CDH18: variants seen among roughly 807,000 people sequenced by gnomAD.
The protein encoded by CDH18 is cadherin 18.
In CDH18, 31 loss-of-function variants were observed where a neutral mutation model predicts 67.9. The ratio of observed to expected loss-of-function variants is 0.46; its 90% confidence interval spans 0.34 to 0.62. CDH18 has a LOEUF of 0.62. Ranked by LOEUF, CDH18 falls within the 20% of genes least tolerant of loss-of-function variation. The pLI is 0.01. For missense variants in CDH18, 890 were observed against 975.5 expected, an observed-to-expected ratio of 0.91 and a Z score of 1.17; for synonymous variants, 362 against 347.2, an observed-to-expected ratio of 1.04 and a Z score of -0.48.
chr5:19,654,928 G>A (rs1037347017), intron 5 of CDH18, among the ~76,000 whole-genome samples: 4 of 152,106 alleles, frequency 2.6e-5, no homozygotes, highest in African/African-American at 9.7e-5. Context: ...CTGCCATGCT[G>A]CTCTTCTGCT....
intron 1 of CDH18, among the ~76,000 whole-genome samples, chr5:20,484,483 G>A (rs921883590): frequency 5.3e-5 from 8 of 152,046 alleles, no homozygotes; most frequent in African/African-American, 1.9e-4. Context: ...GCCCTCCCAT[G>A]TTTATTGCAG....
intron 3 of CDH18, among the ~76,000 whole-genome samples, chr5:19,756,535 C>T (rs1375963739): frequency 1.3e-5 from 2 of 152,294 alleles, no homozygotes; most frequent in Admixed American, 6.5e-5. Flanking sequence ...TACTAAGAGA[C>T]GCCCAAATGG....
intron 1 of CDH18, among the ~76,000 whole-genome samples, chr5:20,443,555 G>A (rs1253610319): frequency 6.6e-6 from 1 of 151,796 alleles, no homozygotes; most frequent in Non-Finnish European, 1.5e-5. Context: ...TACCTATCCC[G>A]TATTTTCCTG....
intron 1 of CDH18, among the ~76,000 whole-genome samples, chr5:20,324,814 G>T (rs1023887755): frequency 2.0e-5 from 3 of 152,194 alleles, no homozygotes; most frequent in Non-Finnish European, 4.4e-5. Flanking sequence ...TATAACAGAA[G>T]GCAACTTAGT....
intron 2 of CDH18, among the ~76,000 whole-genome samples, chr5:19,979,338 G>A (rs1439354865): frequency 6.6e-6 from 1 of 151,772 alleles, no homozygotes; most frequent in Non-Finnish European, 1.5e-5. Flanking sequence ...TAGTAATCTT[G>A]TATATTTGCT....
intron 1 of CDH18, among the ~76,000 whole-genome samples, chr5:20,565,432 G>C (rs182675114): frequency 1.3e-5 from 2 of 152,014 alleles, no homozygotes; most frequent in African/African-American, 4.8e-5. Flanking sequence ...TAGCTGTGGC[G>C]GTTAATTAAG....
At chr5:20,432,626 T>C (rs984646970) in intron 1 of CDH18, among the ~76,000 whole-genome samples, 2 of 152,092 alleles carry the variant, frequency 1.3e-5, no homozygotes, top group East Asian at 1.9e-4. Flanking sequence ...GGCTCACTGA[T>C]GGCTGTCTTC....
intron 2 of CDH18, among the ~76,000 whole-genome samples, chr5:20,069,039 TG>T (rs1230537651): frequency 6.6e-6 from 1 of 152,114 alleles, no homozygotes; most frequent in Non-Finnish European, 1.5e-5. Flanking sequence ...AGCCAGTGAA[TG>T]GGGGAAAAAA....
chr5:20,004,918 C>G (rs1736766835), intron 2 of CDH18, among the ~76,000 whole-genome samples: 1 of 151,920 alleles, frequency 6.6e-6, no homozygotes, highest in Admixed American at 6.6e-5. Flanking sequence ...AGTTGAGGAA[C>G]AGTGGGTGTG....
At chr5:20,468,077 C>CA (rs1446854999) in intron 1 of CDH18, among the ~76,000 whole-genome samples, 3 of 151,790 alleles carry the variant, frequency 2.0e-5, no homozygotes, top group Admixed American at 6.6e-5. Flanking sequence ...TACAGTGGTG[C>CA]AATCTCTGTT....
intron 2 of CDH18, among the ~76,000 whole-genome samples, chr5:19,865,610 C>T (rs1785397033): frequency 6.6e-6 from 1 of 152,034 alleles, no homozygotes; most frequent in African/African-American, 2.4e-5. Context: ...GCAACTCAGT[C>T]CTAGCACCCA....
At chr5:20,122,578 T>C (rs1748449484) in intron 2 of CDH18, among the ~76,000 whole-genome samples, 1 of 152,024 alleles carries the variant, frequency 6.6e-6, no homozygotes, top group African/African-American at 2.4e-5. Context: ...AAATTAATAT[T>C]TGCTTAGTAA....
At chr5:19,561,270 C>T (rs1406853859) in intron 8 of CDH18, among the ~76,000 whole-genome samples, 4 of 151,880 alleles carry the variant, frequency 2.6e-5, no homozygotes, top group Admixed American at 2.0e-4. Flanking sequence ...AATGCCCATC[C>T]GTCAATGTAG....
At position 19,923,603 on chromosome 5, in the gene CDH18, T is replaced by C. The variant is rs572930191; in HGVS notation, c.-257+57457A>G. On this transcript the variant is annotated intron_variant, in intron 2 of 12. Transcript: ENST00000382275. Reference sequence around the variant, plus strand: ...CTGGCATCTAATTAAAATATAAGAATACATCCTTATGGAGTAGTCATGGAG... The same window carrying C: ...CTGGCATCTAATTAAAATATAAGAACACATCCTTATGGAGTAGTCATGGAG... 2.6e-5 allele frequency among the ~76,000 whole-genome samples: 4 copies of C among 152,258 alleles called. No individual in the cohort carries two copies. In the East Asian group the frequency reaches 7.8e-4, roughly 30 times the overall value.
At chr5:19,507,928 T>C (rs1441186492) in intron 10 of CDH18, among the ~76,000 whole-genome samples, 1 of 151,746 alleles carries the variant, frequency 6.6e-6, no homozygotes, top group East Asian at 1.9e-4. Flanking sequence ...AGAGAGAAAC[T>C]CCTAGTCTCT....
intron 5 of CDH18, among the ~76,000 whole-genome samples, chr5:19,626,501 C>A (rs1046755923): frequency 3.3e-5 from 5 of 151,950 alleles, no homozygotes; most frequent in Admixed American, 2.6e-4. Flanking sequence ...TTATTCATTC[C>A]TTCAATTGGG....
intron 2 of CDH18, among the ~76,000 whole-genome samples, chr5:19,861,180 A>C (rs964931783): frequency 2.0e-5 from 3 of 152,196 alleles, no homozygotes; most frequent in African/African-American, 7.2e-5. Flanking sequence ...TTGCATATTC[A>C]GTAGTAGTAA....
intron 2 of CDH18, among the ~76,000 whole-genome samples, chr5:19,995,334 A>C (rs1735920319): frequency 6.6e-6 from 1 of 152,044 alleles, no homozygotes; most frequent in South Asian, 2.1e-4. Context: ...ATGTATATAA[A>C]CTTGTTTTTT....
At chr5:19,591,034 C>A in intron 7 of CDH18, 23 bp downstream of exon 7, 3 of 1,487,458 alleles carry the variant, frequency 2.0e-6, no homozygotes, top group Non-Finnish European at 2.7e-6. Flanking sequence ...TTGCCTGAAT[C>A]ACAAAAAGTA....
Sources: allele counts gnomAD v4.1 joint callset (sites outside exome capture counted in the v4.1 genomes callset), GRCh38; gene constraint gnomAD v4.1.1; transcripts MANE v1.5; gene names NCBI Gene and HGNC (gene_info 2026-07-23, HGNC 2026-07-21).